The following COG3 variants were observed in gnomAD, a reference collection of about 807,000 sequenced individuals.
COG3 encodes the protein conserved oligomeric Golgi complex subunit 3.
A neutral mutation model predicts 114.1 loss-of-function variants in COG3; 32 were observed. The ratio of observed to expected loss-of-function variants is 0.28; its 90% CI spans 0.21 to 0.38. The LOEUF (loss-of-function observed/expected upper bound fraction) is 0.38, where lower values mean the gene tolerates loss of function less well. COG3 is among the 10% of genes least tolerant of loss of function. The pLI, the probability that COG3 is intolerant of heterozygous loss-of-function variation, is 1.00. For missense variants in COG3, 813 were observed against 973.2 expected (o/e 0.84, Z 2.19); for synonymous variants, 352 against 365.7 (o/e 0.96, Z 0.43).
chr13:45,511,105 A>G (rs914075337), intron 15 of COG3, among the ~76,000 whole-genome samples: 4 of 151,876 alleles, frequency 2.6e-5, no homozygotes, highest in Admixed American at 2.0e-4. Flanking sequence ...CTGGGAAGAT[A>G]GTAATGGCAG....
intron 16 of COG3, among the ~76,000 whole-genome samples, chr13:45,514,500 T>C (rs1871325957): frequency 6.6e-6 from 1 of 152,124 alleles, no homozygotes; most frequent in Non-Finnish European, 1.5e-5. Flanking sequence ...AGCGTTTTGA[T>C]AGTTCGGTCT....
At chr13:45,505,505 A>G (rs1296733632) in intron 14 of COG3, among the ~76,000 whole-genome samples, 3 of 151,960 alleles carry the variant, frequency 2.0e-5, no homozygotes, top group Non-Finnish European at 4.4e-5. Context: ...GTTTCACTAT[A>G]TGTTGGCCAG....
intron 1 of COG3, among the ~76,000 whole-genome samples, chr13:45,475,145 G>A (rs1885780215): frequency 6.6e-6 from 1 of 152,146 alleles, no homozygotes; most frequent in Admixed American, 6.5e-5. Flanking sequence ...ATGTGCCAGT[G>A]GGTGGGTGGA....
At chr13:45,470,555 A>G (rs1885411706) in intron 1 of COG3, among the ~76,000 whole-genome samples, 1 of 152,222 alleles carries the variant, frequency 6.6e-6, no homozygotes, top group African/African-American at 2.4e-5. Context: ...AAGGTGAAAT[A>G]ATGTAGATTC....
chr13:45,533,512 A>C (rs1873348115), intron 22 of COG3, among the ~76,000 whole-genome samples: 1 of 152,174 alleles, frequency 6.6e-6, no homozygotes, highest in Non-Finnish European at 1.5e-5. Context: ...GTACTGCTAA[A>C]TACTTCAGAG....
intron 16 of COG3, among the ~76,000 whole-genome samples, chr13:45,513,222 T>C (rs5013335): frequency 0.23 from 4,163 of 17,752 alleles, 995 homozygotes; most frequent in Middle Eastern, 0.52. Context: ...AAATTATATA[T>C]ATATAATATA....
chr13:45,498,054 A>G (rs775435282), intron 13 of COG3, among the ~76,000 whole-genome samples: 8 of 152,192 alleles, frequency 5.3e-5, no homozygotes, highest in Admixed American at 1.3e-4. Flanking sequence ...TATCACACCT[A>G]AAAACAGTGT....
At chr13:45,518,328 C>T (rs546041094) in intron 17 of COG3, among the ~76,000 whole-genome samples, 34 of 152,302 alleles carry the variant, frequency 2.2e-4, no homozygotes, top group African/African-American at 8.2e-4. Context: ...GGGGTAAATA[C>T]GTCCTTTTGG....
intron 2 of COG3, among the ~76,000 whole-genome samples, chr13:45,478,512 G>T (rs1886046730): frequency 6.8e-6 from 1 of 146,294 alleles, no homozygotes; most frequent in African/African-American, 2.5e-5. Context: ...TTGCTCTGTT[G>T]CCCAGGCTGG....
At chr13:45,487,473 A>G (rs755842308) in intron 8 of COG3, among the ~76,000 whole-genome samples, 4 of 152,254 alleles carry the variant, frequency 2.6e-5, no homozygotes, top group Non-Finnish European at 5.9e-5. Context: ...GAATGATAGA[A>G]AACATTTACA....
intron 22 of COG3, 81 bp downstream of exon 22, chr13:45,530,861 CAT>C: frequency 2.8e-6 from 4 of 1,426,570 alleles, no homozygotes; most frequent in Non-Finnish European, 3.7e-6. Flanking sequence ...TTTGAGCAAA[CAT>C]ATTTTTAGTA....
chr13:45,492,181 T>C lies in COG3; in HGVS notation c.1118T>C (p.Met373Thr). The C allele has an allele frequency of 6.2e-7, 1 of 1,610,394 alleles. No homozygotes were observed. Among genetic ancestry groups the C allele is most frequent in the South Asian group, 1.1e-5 (1 of 90,556 alleles). ...CAGGTTCGTAGTGGCTGTGCCTTCA[T>C]GGTTCATGTCTGCCAGGATGAACAC... is the stretch of plus-strand genomic sequence containing the variant. ...CALVRSGCAF[M>T]VHVCQDEHQL... The change falls in exon 11 of 23, where the codon ATG becomes ACG. Residue 373 changes from methionine (M) to threonine (T), a missense_variant. Around this residue, in one of 2 missense-constraint regions of COG3, gnomAD observed 389 missense variants for 542.6 expected, o/e 0.72. Coordinates refer to ENST00000349995, the MANE Select transcript of COG3 (RefSeq NM_031431.4).
intron 1 of COG3, among the ~76,000 whole-genome samples, chr13:45,470,685 A>G (rs754424431): frequency 1.2e-4 from 18 of 152,250 alleles, no homozygotes; most frequent in South Asian, 2.1e-4. Flanking sequence ...ATTGATCTAC[A>G]TTCTTTCAGA....
rs757846949 is a variant in COG3 at position 45,534,742 on chromosome 13, C to A, written c.*11C>A. The A allele has an allele frequency of 1.3e-6, 2 of 1,556,422 alleles. No individual in the cohort carries two copies. The highest frequency in any genetic ancestry group is 3.9e-5 in the Admixed American group (2 of 50,798). On this transcript the variant is annotated 3_prime_UTR_variant, in exon 23 of 23. Transcript: ENST00000349995. ...TTGGTTTCTAAATAAGCAGGCCAGC[C>A]GGGCTGTGCACCTAAATGTCTGTCT...
At chr13:45,509,911 T>A (rs1870668090) in intron 15 of COG3, 95 bp downstream of exon 15, 1 of 1,262,614 alleles carries the variant, frequency 7.9e-7, no homozygotes, top group South Asian at 1.7e-5. Flanking sequence ...TGTTGGATAT[T>A]CTTAAAATCA....
intron 12 of COG3, among the ~76,000 whole-genome samples, chr13:45,494,577 G>A (rs1160016683): frequency 5.3e-5 from 8 of 152,142 alleles, no homozygotes; most frequent in Non-Finnish European, 8.8e-5. Flanking sequence ...CCAGGCTGGA[G>A]TGCAGTGGCA....
At chr13:45,467,819 A>G (rs898729708) in intron 1 of COG3, among the ~76,000 whole-genome samples, 2 of 152,214 alleles carry the variant, frequency 1.3e-5, no homozygotes, top group African/African-American at 4.8e-5. Context: ...AGTATAACTC[A>G]AGGATTTTCT....
Position 45,491,494 on chromosome 13 carries a change from G to A in COG3, c.1051G>A (p.Val351Ile). The A allele has an allele frequency of 1.2e-6, 2 of 1,613,506 alleles. No homozygotes were observed. Among genetic ancestry groups the A allele is most frequent in the African/African-American group, 1.3e-5 (1 of 75,016 alleles). The change falls in exon 10 of 23, where the codon GTT becomes ATT. Residue 351 changes from valine to isoleucine, a missense_variant. Physicochemically the swap from Val to Ile is conservative, Grantham distance 29. Transcript: ENST00000349995. ...TTTGGGCCCTAGTATTGCTTGCACT[G>A]TTGCAGAGTTAACCAGCCAAAATAA... is the stretch of plus-strand genomic sequence containing the variant. ...LLLGPSIACT[V>I]AELTSQNNRD...
At chr13:45,500,055 T>TGA (rs369533191) in intron 13 of COG3, among the ~76,000 whole-genome samples, 43,674 of 101,430 alleles carry the variant, frequency 0.43, 7,738 homozygotes, top group Admixed American at 0.54. Flanking sequence ...TGTGTGTGTG[T>TGA]GTGTGTGTGT....
Sources: gnomAD v4.1 joint callset for allele counts (sites outside exome capture counted in the v4.1 genomes callset) on GRCh38, gnomAD v4.1.1 for gene constraint, gnomAD v4.1.1 regional missense constraint, MANE v1.5 for transcripts, NCBI Gene and HGNC (gene_info 2026-07-23, HGNC 2026-07-21) for gene names.